The following ZYG11A variants were observed in gnomAD, a reference collection of about 807,000 sequenced individuals.
ZYG11A encodes the protein zyg-11 family member A, cell cycle regulator.
Under a neutral mutation model 77.2 loss-of-function variants are expected in ZYG11A, and 62 were observed. The ratio of observed to expected loss-of-function variants is 0.80; its 90% CI spans 0.65 to 0.99. ZYG11A has a LOEUF of 0.99. Ranked by LOEUF, ZYG11A falls within the 50% of genes least tolerant of loss-of-function variation. The pLI, the probability that ZYG11A is intolerant of heterozygous loss-of-function variation, is 0.00. For missense variants in ZYG11A, 828 were observed against 896.8 expected, an observed-to-expected ratio of 0.92 and a Z score of 0.98; for synonymous variants, 315 against 324.6, an observed-to-expected ratio of 0.97 and a Z score of 0.32.
In ZYG11A at chr1:52,860,805, G is replaced by A. The variant is rs1383976542; in HGVS notation, c.1083G>A (p.Lys361=). ...ACAGGAACAGATCATGTTTTGTGAAGGAAGCCCTCCACAGGCTGTTCACAG... is the reference window on the plus strand; with the variant it reads ...ACAGGAACAGATCATGTTTTGTGAAAGAAGCCCTCCACAGGCTGTTCACAG... ...SRYRNRSCFV[K]EALHRLFTET... Residue 361 remains lysine (K), a synonymous_variant, in exon 4 of 14, where the codon AAG becomes AAA. Coordinates refer to ENST00000371528, the MANE Select transcript of ZYG11A (RefSeq NM_001004339.3). 2 of 1,551,686 alleles carry A rather than the reference G, an allele frequency of 1.3e-6. No homozygotes were observed. Among genetic ancestry groups the A allele is most frequent in the Admixed American group, 3.9e-5 (2 of 50,982 alleles).
chr1:52,849,982 C>G (rs1645677592), intron 1 of ZYG11A, among the ~76,000 whole-genome samples: 1 of 152,188 alleles, frequency 6.6e-6, no homozygotes, highest in Non-Finnish European at 1.5e-5. Flanking sequence ...CCACACCTGG[C>G]CTCAATTATA....
chr1:52,845,381 C>T (rs1171322203), intron 1 of ZYG11A, among the ~76,000 whole-genome samples: 1 of 150,416 alleles, frequency 6.6e-6, no homozygotes, highest in East Asian at 2.0e-4. Flanking sequence ...TCTTGACTCA[C>T]TGCAACCTCC....
Position 52,854,650 on chromosome 1 carries a change from A to G in ZYG11A, c.256+20A>G. On this transcript the variant is annotated intron_variant, in intron 2 of 13. Coordinates refer to ENST00000371528, the MANE Select transcript of ZYG11A (RefSeq NM_001004339.3). ...GGCAAGGTAGTGATAAGGCTTCTCTAAAGTCAGCTCTTGCAGTACTTTACT... is the reference window on the plus strand; with the variant it reads ...GGCAAGGTAGTGATAAGGCTTCTCTGAAGTCAGCTCTTGCAGTACTTTACT... The G allele has an allele frequency of 6.7e-7, 1 of 1,499,162 alleles. No homozygotes were observed. Among genetic ancestry groups the G allele is most frequent in the Non-Finnish European group, 9.0e-7 (1 of 1,113,020 alleles). 92.9% of individuals were successfully genotyped at this position (1,499,162 alleles called of 1,614,324 possible).
At chr1:52,882,995 TAG>T (rs1553124942) in intron 11 of ZYG11A, among the ~76,000 whole-genome samples, 1 of 151,934 alleles carries the variant, frequency 6.6e-6, no homozygotes, top group African/African-American at 2.4e-5. Flanking sequence ...TTTTCATATC[TAG>T]CTCATTTATC....
At chr1:52,848,665 T>C (rs917778845) in intron 1 of ZYG11A, among the ~76,000 whole-genome samples, 7 of 152,046 alleles carry the variant, frequency 4.6e-5, no homozygotes, top group Non-Finnish European at 1.0e-4. Context: ...GTGGATCACC[T>C]GAGGCCAGGA....
At chr1:52,879,105 C>G (rs532225605) in intron 10 of ZYG11A, among the ~76,000 whole-genome samples, 42 of 152,150 alleles carry the variant, frequency 2.8e-4, no homozygotes, top group South Asian at 2.7e-3. Context: ...TGTACTGACT[C>G]TCAATCAAGG....
chr1:52,850,748 C>G (rs938353235), intron 1 of ZYG11A, among the ~76,000 whole-genome samples: 3 of 152,186 alleles, frequency 2.0e-5, no homozygotes, highest in Non-Finnish European at 4.4e-5. Context: ...GCCACTATGT[C>G]TGGCCTGGTG....
intron 4 of ZYG11A, among the ~76,000 whole-genome samples, chr1:52,862,316 T>G (rs1196154257): frequency 5.4e-5 from 8 of 147,922 alleles, no homozygotes; most frequent in Non-Finnish European, 1.2e-4. Context: ...TTTTTTTGGT[T>G]TTTTTTTTTT....
intron 8 of ZYG11A, among the ~76,000 whole-genome samples, chr1:52,870,713 C>G (rs1482552225): frequency 6.6e-6 from 1 of 152,210 alleles, no homozygotes; most frequent in African/African-American, 2.4e-5. Flanking sequence ...ATACGAAAAA[C>G]AGTCAGGCGT....
intron 10 of ZYG11A, among the ~76,000 whole-genome samples, chr1:52,878,533 G>A (rs1646302210): frequency 6.6e-6 from 1 of 152,120 alleles, no homozygotes; most frequent in Non-Finnish European, 1.5e-5. Context: ...ACATTGCTAC[G>A]GGGTGTATAT....
At chr1:52,847,136 G>A (rs536516367) in intron 1 of ZYG11A, among the ~76,000 whole-genome samples, 10 of 151,470 alleles carry the variant, frequency 6.6e-5, no homozygotes, top group African/African-American at 2.2e-4. Context: ...TCTCGATCTC[G>A]GCTCACTGCA....
At chr1:52,889,859 C>G (rs780957184) in intron 13 of ZYG11A, among the ~76,000 whole-genome samples, 1 of 151,598 alleles carries the variant, frequency 6.6e-6, no homozygotes, top group Non-Finnish European at 1.5e-5. Flanking sequence ...CTACAGGCGC[C>G]CGCCACCATG....
chr1:52,848,071 A>G (rs1397010588), intron 1 of ZYG11A, among the ~76,000 whole-genome samples: 2 of 151,878 alleles, frequency 1.3e-5, no homozygotes, highest in Non-Finnish European at 2.9e-5. Context: ...GGGTTTCACC[A>G]TGTTAGCCAG....
At chr1:52,867,447 A>G in intron 6 of ZYG11A, 92 bp from the exon 7 acceptor site, 1 of 851,784 alleles carries the variant, frequency 1.2e-6, no homozygotes, top group Non-Finnish European at 1.9e-6. Context: ...TGTTTTCATT[A>G]TAGGATTACT....
intron 8 of ZYG11A, among the ~76,000 whole-genome samples, chr1:52,871,125 T>A (rs1304435433): frequency 6.6e-6 from 1 of 152,202 alleles, no homozygotes; most frequent in African/African-American, 2.4e-5. Flanking sequence ...GAAGTATTTT[T>A]AAAAAATTCT....
rs1405479249 is a variant in ZYG11A at position 52,854,573 on chromosome 1, C to G, written c.199C>G (p.His67Asp). ...RPDGTLCLPEHWSFPQEVAER... is the reference protein window; with the variant it reads ...RPDGTLCLPEDWSFPQEVAER... The stretch of plus-strand genomic sequence containing the variant: ...TGATGGAACACTGTGCCTTCCGGAG[C>G]ATTGGAGTTTCCCTCAGGAAGTAGC... The change falls in exon 2 of 14, where the codon CAT becomes GAT. Residue 67 changes from histidine (H) to aspartate (D), a missense_variant. Coordinates refer to ENST00000371528, the MANE Select transcript of ZYG11A (RefSeq NM_001004339.3). 1 of 1,549,844 alleles carries G rather than the reference C, an allele frequency of 6.5e-7. No individual in the cohort carries two copies. Among genetic ancestry groups the G allele is most frequent in the Admixed American group, 2.0e-5 (1 of 50,946 alleles).
intron 1 of ZYG11A, among the ~76,000 whole-genome samples, chr1:52,852,987 T>C (rs1327174305): frequency 6.6e-6 from 1 of 152,188 alleles, no homozygotes; most frequent in Non-Finnish European, 1.5e-5. Context: ...CTGAAGAATG[T>C]TTGAAGCATT....
chr1:52,848,277 C>T (rs560414114), intron 1 of ZYG11A, among the ~76,000 whole-genome samples: 46 of 152,296 alleles, frequency 3.0e-4, no homozygotes, highest in Admixed American at 5.2e-4. Flanking sequence ...GCTGGGATTA[C>T]AGGTGTGAGC....
At chr1:52,843,487 G>A (rs1645493907) in intron 1 of ZYG11A, among the ~76,000 whole-genome samples, 1 of 152,222 alleles carries the variant, frequency 6.6e-6, no homozygotes, top group African/African-American at 2.4e-5. Flanking sequence ...GCCCGGGGCC[G>A]GGCGAGTAGC....
Sources: gnomAD v4.1 joint callset for allele counts (sites outside exome capture counted in the v4.1 genomes callset) on GRCh38, gnomAD v4.1.1 for gene constraint, MANE v1.5 for transcripts, NCBI Gene and HGNC (gene_info 2026-07-23, HGNC 2026-07-21) for gene names.